MTPAP: variants seen among roughly 807,000 people sequenced by gnomAD.
MTPAP encodes the protein poly(A) RNA polymerase, mitochondrial.
A neutral mutation model predicts 48.7 loss-of-function variants in MTPAP; 23 were observed. The ratio of observed to expected loss-of-function variants is 0.47; its 90% CI spans 0.34 to 0.67. The LOEUF is 0.67. Ranked by LOEUF, MTPAP falls within the 30% of genes least tolerant of loss-of-function variation. The pLI, the probability that MTPAP is intolerant of heterozygous loss-of-function variation, is 0.01. For missense variants in MTPAP, 614 were observed against 694.3 expected (o/e 0.88, Z 1.30); for synonymous variants, 257 against 254.1 (o/e 1.01, Z -0.11).
At chr10:30,333,831 G>A (rs913065432) in intron 4 of MTPAP, among the ~76,000 whole-genome samples, 2 of 152,094 alleles carry the variant, frequency 1.3e-5, no homozygotes, top group African/African-American at 2.4e-5. Flanking sequence ...GAGCCCAGGA[G>A]GCAGAGGTTA....
In MTPAP at chr10:30,326,598, T is replaced by C. The variant is rs763949748; in HGVS notation, c.818A>G (p.Asn273Ser). The C allele has an allele frequency of 4.3e-6, 7 of 1,613,768 alleles. No individual in the cohort carries two copies. The highest frequency in any genetic ancestry group is 5.9e-6 in the Non-Finnish European group (7 of 1,179,682). The change falls in exon 5 of 9, where the codon AAT becomes AGT. Residue 273 changes from asparagine to serine, a missense_variant. Asn to Ser is a conservative substitution (Grantham distance 46). Coordinates refer to ENST00000263063, the MANE Select transcript of MTPAP (RefSeq NM_018109.4). ...GNFLMEFQVK[N>S]VPSERIATQK... is the part of the protein sequence containing the mutation. Reference sequence around the variant, plus strand: ...AGTTGCAATTCTTTCTGAAGGAACATTTTTCACTTGAAATTCCATCAGAAA... The same window carrying C: ...AGTTGCAATTCTTTCTGAAGGAACACTTTTCACTTGAAATTCCATCAGAAA...
chr10:30,330,811 G>A (rs1834657544), intron 4 of MTPAP, among the ~76,000 whole-genome samples: 1 of 152,248 alleles, frequency 6.6e-6, no homozygotes, highest in Admixed American at 6.5e-5. Context: ...AAGAGCCGAT[G>A]CTCAATTCTT....
intron 4 of MTPAP, among the ~76,000 whole-genome samples, chr10:30,333,903 A>C (rs1277303720): frequency 1.3e-5 from 2 of 152,128 alleles, no homozygotes; most frequent in African/African-American, 2.4e-5. Flanking sequence ...CCTCATCTCA[A>C]AATAGTAATA....
chr10:30,325,562 C>T (rs150627008), intron 5 of MTPAP, among the ~76,000 whole-genome samples: 6 of 152,100 alleles, frequency 3.9e-5, no homozygotes, highest in African/African-American at 1.2e-4. Context: ...GCCTGGCCAA[C>T]AGGGTGAAAC....
rs1192709850 is a variant in MTPAP, at chr10:30,311,167, C to T, written c.*2442G>A. On this transcript the variant is annotated 3_prime_UTR_variant, in exon 9 of 9. Transcript: ENST00000263063. ...CCTTAAGTGGTTTATGCTTTTTAAG[C>T]TTTTTAAATCAATATGGATTTCTAG... is the stretch of plus-strand genomic sequence containing the variant. The T allele has an allele frequency of 6.6e-6, 1 of 152,042 alleles. No individual in the cohort carries two copies. The highest frequency in any genetic ancestry group is 1.5e-5 in the Non-Finnish European group (1 of 67,990). The allele number at this position is 152,042 out of a possible 1,614,324, so 9.4% of individuals were successfully genotyped here. A position where few individuals can be genotyped will look rare whatever the true frequency, so the allele number is the denominator to read the frequency against.
chr10:30,339,195 C>A (rs1329911470), intron 3 of MTPAP, among the ~76,000 whole-genome samples: 1 of 151,786 alleles, frequency 6.6e-6, no homozygotes. Context: ...ACAGAAGAGA[C>A]AGAATCTTGG....
In MTPAP at chr10:30,329,831, T is replaced by C. The variant is rs147476966; in HGVS notation, c.781-3196A>G. On this transcript the variant is annotated intron_variant, in intron 4 of 8. Coordinates refer to ENST00000263063, the MANE Select transcript of MTPAP (RefSeq NM_018109.4). ...AAAAGAGGACTGGTTAAATAAATTA[T>C]GGTACATCCATTCAATGGAGTATTT... is the stretch of plus-strand genomic sequence containing the variant. Among the ~76,000 whole-genome samples the C allele has an allele frequency of 1.9e-4, 29 of 152,208 alleles. No homozygotes were observed. The East Asian group carries it at 5.4e-3, about 28-fold the overall frequency.
In MTPAP at chr10:30,313,763, A is replaced by G; in HGVS notation, c.1595T>C (p.Leu532Pro). 1.2e-6 allele frequency: 2 copies of G among 1,614,182 alleles called. No individual in the cohort carries two copies. The highest frequency in any genetic ancestry group is 1.7e-6 in the Non-Finnish European group (2 of 1,180,010). Reference sequence around the variant, plus strand: ...GGACTTTCTGTTTGGAGCAGATGGTAGCAATAGGGATACCAGCCCCCAGGG... The same window carrying G: ...GGACTTTCTGTTTGGAGCAGATGGTGGCAATAGGGATACCAGCCCCCAGGG... ...NRPWGLVSLLLPSAPNRKSFT... is the reference protein window; with the variant it reads ...NRPWGLVSLLPPSAPNRKSFT... Residue 532 changes from leucine to proline, a missense_variant, in exon 9 of 9, where the codon CTA (leucine) becomes CCA (proline). Leu to Pro is a moderately conservative substitution (Grantham distance 98, BLOSUM62 -3). This residue lies in a region of MTPAP where 109 missense variants were observed against 100.5 expected (regional missense o/e 1.08). Transcript: ENST00000263063.
At position 30,324,929 on chromosome 10, in the gene MTPAP, T is replaced by C. The variant is rs184157597; in HGVS notation, c.992+1495A>G. On this transcript the variant is annotated intron_variant, in intron 5 of 8. Coordinates refer to ENST00000263063, the MANE Select transcript of MTPAP (RefSeq NM_018109.4). The stretch of plus-strand genomic sequence containing the variant: ...TGAAGCCAGGAGGCGGAGGTTGCAT[T>C]GCAGTGAGCCAAGATTGCGGCACTG... 1.5e-3 allele frequency among the ~76,000 whole-genome samples: 225 copies of C among 151,518 alleles called. 2 individuals carry two copies. Among genetic ancestry groups the C allele is most frequent in the African/African-American group, 5.1e-3 (211 of 41,266 alleles).
At chr10:30,338,951 G>T (rs2801444) in intron 3 of MTPAP, among the ~76,000 whole-genome samples, 145,350 of 151,862 alleles carry the variant, frequency 0.96, 69,855 homozygotes, top group Non-Finnish European at 1. Context: ...GTGAAACCCC[G>T]TCTCTAATAA....
intron 1 of MTPAP, among the ~76,000 whole-genome samples, chr10:30,342,023 G>A (rs1834815127): frequency 1.3e-5 from 2 of 152,176 alleles, no homozygotes; most frequent in Non-Finnish European, 2.9e-5. Flanking sequence ...TGGATCACCT[G>A]AGGCCAGGAG....
At chr10:30,322,258 G>A (rs1301119199) in intron 6 of MTPAP, 133 bp downstream of exon 6, 2 of 788,004 alleles carry the variant, frequency 2.5e-6, no homozygotes, top group Non-Finnish European at 2.1e-6. Context: ...CGTGACTCCG[G>A]TAGACTTTAA....
chr10:30,338,322 C>T (rs1458787280), intron 3 of MTPAP, among the ~76,000 whole-genome samples: 1 of 139,808 alleles, frequency 7.2e-6, no homozygotes, highest in East Asian at 2.0e-4. Context: ...ATAACATTAA[C>T]ATAACATAAC....
At chr10:30,327,818 C>G (rs1014205972) in intron 4 of MTPAP, among the ~76,000 whole-genome samples, 4 of 150,496 alleles carry the variant, frequency 2.7e-5, no homozygotes, top group Admixed American at 2.7e-4. Context: ...TGCACTCCAG[C>G]CTGGGTGACA....
At chr10:30,323,054 G>A (rs926857896) in intron 5 of MTPAP, among the ~76,000 whole-genome samples, 12 of 149,360 alleles carry the variant, frequency 8.0e-5, no homozygotes, top group East Asian at 2.0e-4. Context: ...GCTTGAACCC[G>A]GGAGGCAGAG....
intron 6 of MTPAP, among the ~76,000 whole-genome samples, chr10:30,318,297 G>C (rs1259806638): frequency 6.6e-6 from 1 of 151,884 alleles, no homozygotes; most frequent in African/African-American, 2.4e-5. Context: ...AATTATTCTA[G>C]GTTTTAACAT....
At position 30,349,247 on chromosome 10, in the gene MTPAP, G is replaced by T. The variant is rs1834906462; in HGVS notation, c.29C>A (p.Thr10Asn). Residue 10 changes from threonine to asparagine, a missense_variant, in exon 1 of 9, where the codon ACC becomes AAC. Physicochemically the swap from Thr to Asn is moderately conservative, Grantham distance 65 (BLOSUM62 0). Coordinates refer to ENST00000263063, the MANE Select transcript of MTPAP (RefSeq NM_018109.4). ...TCTCCGGGCACACAGGTTCAAACGG[G>T]TCAAGAGCCCCACGCCGGGAACCGC... MAVPGVGLL[T>N]RLNLCARRRT... is the part of the protein sequence containing the mutation. The T allele has an allele frequency of 1.3e-6, 2 of 1,545,620 alleles. No homozygotes were observed. Among genetic ancestry groups the T allele is most frequent in the Admixed American group, 3.6e-5 (2 of 55,734 alleles).
intron 6 of MTPAP, among the ~76,000 whole-genome samples, chr10:30,321,084 G>C (rs552885179): frequency 3.2e-4 from 48 of 152,230 alleles, no homozygotes; most frequent in African/African-American, 1.1e-3. Flanking sequence ...TGACGCATAG[G>C]AAGTAATCAG....
chr10:30,345,867 T>C (rs12571413), intron 1 of MTPAP, among the ~76,000 whole-genome samples: 18,219 of 151,702 alleles, frequency 0.12, 1,984 homozygotes, highest in East Asian at 0.52. Flanking sequence ...GCCAACATAG[T>C]GAAATCCCAT....
Sources: allele counts gnomAD v4.1 joint callset (sites outside exome capture counted in the v4.1 genomes callset), GRCh38; gene constraint gnomAD v4.1.1; regional missense constraint gnomAD v4.1.1; transcripts MANE v1.5; gene names NCBI Gene and HGNC (gene_info 2026-07-23, HGNC 2026-07-21).